RAD17: variants seen among roughly 807,000 people sequenced by gnomAD.
The protein encoded by RAD17 is RAD17 checkpoint clamp loader component.
In RAD17, 31 loss-of-function variants were observed where a neutral mutation model predicts 81.5. The observed-to-expected ratio is 0.38, with a 90% confidence interval of 0.29 to 0.51. The LOEUF is 0.51. Among genes scored for constraint, RAD17 ranks in the 20% least tolerant of loss-of-function variants. The pLI is 0.88. For synonymous variants in RAD17, 261 were observed against 266.2 expected (o/e 0.98, Z 0.19); for missense variants, 681 against 781.2 (o/e 0.87, Z 1.53).
intron 2 of RAD17, 79 bp downstream of exon 2, chr5:69,371,250 C>T (rs1762960697): frequency 1.3e-5 from 7 of 543,998 alleles, no homozygotes; most frequent in South Asian, 1.0e-4. Flanking sequence ...ACTCTTAACA[C>T]CACAAGTAGA....
chr5:69,386,793 G>T (rs968807887), intron 11 of RAD17, among the ~76,000 whole-genome samples: 2 of 151,802 alleles, frequency 1.3e-5, no homozygotes, highest in Admixed American at 1.3e-4. Context: ...TTGTCCTGTT[G>T]TCACTTTTTT....
chr5:69,371,758 C>T (rs1763021906), intron 3 of RAD17, among the ~76,000 whole-genome samples: 1 of 152,130 alleles, frequency 6.6e-6, no homozygotes, highest in African/African-American at 2.4e-5. Context: ...AAGTGTTTTA[C>T]AGTCCCAGTC....
chr5:69,386,303 T>C lies in RAD17; in HGVS notation c.822T>C (p.Ile274=). Reference sequence around the variant, plus strand: ...AGGAAGAGTGTTCTATCTCAAATATTAGGTAAGAAAGAAATTTCTGCTTAT... The same window carrying C: ...AGGAAGAGTGTTCTATCTCAAATATCAGGTAAGAAAGAAATTTCTGCTTAT... ...EIQEECSISN[I]SFNPVAPTIM... Residue 274 remains isoleucine, a splice_region_variant and synonymous_variant, in exon 10 of 19, where the codon ATT becomes ATC. Coordinates refer to ENST00000354868, the MANE Select transcript of RAD17 (RefSeq NM_133338.3). 5.7e-6 allele frequency: 9 copies of C among 1,592,642 alleles called. No homozygotes were observed. The highest frequency in any genetic ancestry group is 7.7e-6 in the Non-Finnish European group (9 of 1,170,664).
Position 69,414,537 on chromosome 5 carries a change from AGT to A in RAD17, c.*250_*251del. 1.8e-6 allele frequency: 1 copy of A among 569,584 alleles called. No homozygotes were observed. The highest frequency in any genetic ancestry group is 3.1e-6 in the Non-Finnish European group (1 of 323,794). The allele number at this position is 569,584 out of a possible 1,614,324, so 35.3% of individuals were successfully genotyped here. On this transcript the variant is annotated 3_prime_UTR_variant, in exon 19 of 19. Transcript: ENST00000354868. ...TCTGTGAGTGGTTTAAGGAGCGGTC[AGT>A]GTGTATAAAGTGTGTTTGAACATTA...
intron 17 of RAD17, among the ~76,000 whole-genome samples, chr5:69,409,649 T>C (rs139428736): frequency 6.6e-6 from 1 of 152,332 alleles, no homozygotes; most frequent in East Asian, 1.9e-4. Flanking sequence ...GTTTACTATG[T>C]CATTCTTTTT....
At chr5:69,380,608 G>T (rs1763793381) in intron 6 of RAD17, among the ~76,000 whole-genome samples, 2 of 151,616 alleles carry the variant, frequency 1.3e-5, no homozygotes. Flanking sequence ...AAATAAACAA[G>T]AATTATAGCC....
At chr5:69,373,547 A>G (rs1489386204) in intron 4 of RAD17, among the ~76,000 whole-genome samples, 2 of 152,122 alleles carry the variant, frequency 1.3e-5, no homozygotes, top group African/African-American at 4.8e-5. Context: ...TACAAAAAAT[A>G]CAAAAAAATT....
chr5:69,376,394 T>A (rs979331119), intron 6 of RAD17, among the ~76,000 whole-genome samples: 1 of 152,252 alleles, frequency 6.6e-6, no homozygotes, highest in Non-Finnish European at 1.5e-5. Flanking sequence ...AAGAAAAGTT[T>A]GCCATCACTA....
At chr5:69,394,504 A>G (rs947702724) in intron 15 of RAD17, among the ~76,000 whole-genome samples, 4 of 152,162 alleles carry the variant, frequency 2.6e-5, no homozygotes, top group African/African-American at 9.7e-5. Context: ...ATTTGAAACT[A>G]TTTACCATAA....
chr5:69,383,736 C>G (rs975811194), intron 7 of RAD17, among the ~76,000 whole-genome samples: 19 of 152,114 alleles, frequency 1.2e-4, no homozygotes, highest in Non-Finnish European at 4.4e-5. Context: ...CTAGAATGAA[C>G]TTCTTAAGCA....
At chr5:69,390,128 C>T (rs1310555899) in intron 12 of RAD17, among the ~76,000 whole-genome samples, 1 of 152,154 alleles carries the variant, frequency 6.6e-6, no homozygotes, top group African/African-American at 2.4e-5. Flanking sequence ...ACTGCATAGT[C>T]CTCCTTCAGA....
intron 18 of RAD17, among the ~76,000 whole-genome samples, chr5:69,410,965 C>A (rs867129773): frequency 7.8e-5 from 7 of 90,248 alleles, no homozygotes; most frequent in African/African-American, 3.5e-4. Flanking sequence ...AGATGTCTGT[C>A]TATATATATA....
At chr5:69,377,450 TATATATATATATATATATATATATACAC>T (rs1362705367) in intron 6 of RAD17, among the ~76,000 whole-genome samples, 31 of 11,148 alleles carry the variant, frequency 2.8e-3, no homozygotes, top group Non-Finnish European at 9.6e-3. Flanking sequence ...TATATATATA[TATATATATATATATATATATATATACAC>T]ACACACACAT....
Position 69,374,048 on chromosome 5 carries a change from A to T in RAD17, c.228A>T (p.Glu76Asp), listed in dbSNP as rs780129467. The T allele has an allele frequency of 6.8e-6, 11 of 1,611,114 alleles. No homozygotes were observed. The highest frequency in any genetic ancestry group is 8.5e-6 in the Non-Finnish European group (10 of 1,178,178). ...AAAATTCAAAAGAATATCTGTCTGA[A>T]AATGAACCATGGGTGGATAAATATA... is the stretch of plus-strand genomic sequence containing the variant. ...GLENSKEYLS[E>D]NEPWVDKYKP... Residue 76 changes from glutamate (E) to aspartate (D), a missense_variant, in exon 5 of 19, where the codon GAA (glutamate) becomes GAT (aspartate). Transcript: ENST00000354868.
chr5:69,404,317 A>G (rs1451178661), intron 17 of RAD17, among the ~76,000 whole-genome samples: 1 of 152,246 alleles, frequency 6.6e-6, no homozygotes. Context: ...GCCAACCTAC[A>G]TAATGGGAGA....
At chr5:69,388,913 T>C (rs1376419039) in intron 11 of RAD17, 121 bp from the exon 12 acceptor site, 4 of 528,126 alleles carry the variant, frequency 7.6e-6, no homozygotes, top group East Asian at 3.3e-5. Context: ...CAGCCCTTTT[T>C]AGTATTTAAG....
intron 7 of RAD17, among the ~76,000 whole-genome samples, chr5:69,383,719 A>G (rs906921247): frequency 2.0e-5 from 3 of 152,194 alleles, no homozygotes; most frequent in Admixed American, 6.5e-5. Context: ...AAGTCTCACT[A>G]TATTGTCTAG....
intron 16 of RAD17, among the ~76,000 whole-genome samples, chr5:69,396,893 C>A (rs1164868846): frequency 6.6e-6 from 1 of 152,144 alleles, no homozygotes; most frequent in Non-Finnish European, 1.5e-5. Flanking sequence ...AATGCAATGG[C>A]ATGATCTCGG....
intron 17 of RAD17, among the ~76,000 whole-genome samples, chr5:69,401,759 G>A (rs1580426720): frequency 6.6e-6 from 1 of 151,652 alleles, no homozygotes; most frequent in Non-Finnish European, 1.5e-5. Context: ...AGGCCAAGAC[G>A]GGCGGATCAC....
Sources: gnomAD v4.1 joint callset for allele counts (sites outside exome capture counted in the v4.1 genomes callset) on GRCh38, gnomAD v4.1.1 for gene constraint, MANE v1.5 for transcripts, NCBI Gene and HGNC (gene_info 2026-07-23, HGNC 2026-07-21) for gene names.